Variants in SH3TC1 observed in about 807,000 individuals in gnomAD.
The protein encoded by SH3TC1 is SH3 domain and tetratricopeptide repeat-containing protein 1.
In SH3TC1, 135 loss-of-function variants were observed where a neutral mutation model predicts 117.3. That is an observed-to-expected ratio of 1.15 (90% CI 1.00 to 1.33). The LOEUF is 1.33. SH3TC1 is among the 40% of genes most tolerant of loss of function. The pLI is 0.00. For missense variants in SH3TC1, 2,092 were observed against 1,794.3 expected (o/e 1.17, Z -3.00); for synonymous variants, 898 against 816.9 (o/e 1.10, Z -1.69).
chr4:8,233,604 C>T (rs916570110), intron 14 of SH3TC1, 91 bp downstream of exon 14: 2 of 1,386,114 alleles, frequency 1.4e-6, no homozygotes, highest in South Asian at 1.5e-5. Context: ...ATGATCCTTC[C>T]ATCATCTATC....
chr4:8,195,599 G>A (rs1047250642), upstream of SH3TC1, among the ~76,000 whole-genome samples: 23 of 152,228 alleles, frequency 1.5e-4, no homozygotes, highest in African/African-American at 5.5e-4. Flanking sequence ...CCACAGCAGG[G>A]GACAATGGCC....
intron 14 of SH3TC1, 135 bp downstream of exon 14, chr4:8,233,648 A>C: frequency 9.2e-7 from 1 of 1,087,854 alleles, no homozygotes; most frequent in Non-Finnish European, 1.2e-6. Context: ...CCATCCATCC[A>C]TCCTTCCATC....
chr4:8,236,220 A>G (rs1721798103), intron 15 of SH3TC1, 58 bp from the exon 16 acceptor site: 13 of 1,487,150 alleles, frequency 8.7e-6, no homozygotes, highest in South Asian at 1.3e-5. Context: ...AGCTCTGAGG[A>G]GGGCGCTGGG....
upstream of SH3TC1, chr4:8,199,177 TG>T (rs1367035198): frequency 6.6e-6 from 1 of 152,252 alleles, no homozygotes; most frequent in African/African-American, 2.4e-5. Flanking sequence ...GCAGCCGCCC[TG>T]GGCCTGCCTC....
intron 15 of SH3TC1, chr4:8,235,873 G>A (rs1721763425): frequency 5.4e-6 from 2 of 371,934 alleles, no homozygotes; most frequent in Admixed American, 8.6e-5. Context: ...AAGGACACAC[G>A]GCATGCCAGT....
chr4:8,220,666 G>A (rs1042710556), intron 9 of SH3TC1, among the ~76,000 whole-genome samples: 1 of 152,174 alleles, frequency 6.6e-6, no homozygotes, highest in Non-Finnish European at 1.5e-5. Flanking sequence ...TGGGTCATGT[G>A]ATCCTGGTCC....
At position 8,232,477 on chromosome 4, in the gene SH3TC1, A is replaced by G. The variant is rs561427785; in HGVS notation, c.3131+321A>G. The G allele has an allele frequency of 2.5e-5, 36 of 1,443,380 alleles. 1 individual carries two copies. In the South Asian group the frequency reaches 3.6e-4, roughly 14 times the overall value. 89.4% of individuals were successfully genotyped at this position (1,443,380 alleles called of 1,614,324 possible). A position where few individuals can be genotyped will look rare whatever the true frequency, so the allele number is the denominator to read the frequency against. ...TTCTTCCTACCTGGTGGCTTTTGTC[A>G]TCTGACCTCTGCCTGCCCCGAGTCT... On this transcript the variant is annotated intron_variant, in intron 13 of 17. Transcript: ENST00000245105.
intron 2 of SH3TC1, among the ~76,000 whole-genome samples, chr4:8,207,347 G>C (rs995733293): frequency 2.6e-5 from 4 of 152,234 alleles, no homozygotes; most frequent in African/African-American, 4.8e-5. Flanking sequence ...CCTTGGAGAA[G>C]GGGCGGCTGC....
At position 8,222,315 on chromosome 4, in the gene SH3TC1, G is replaced by T. The variant is rs115758371; in HGVS notation, c.1113-525G>T. ...CTGTTTCAGCCTTTCCTGCTTCTGG[G>T]TATCTGCCCCTGGCCAGACAAGGCA... On this transcript the variant is annotated intron_variant, in intron 9 of 17. Transcript: ENST00000245105. Among the ~76,000 whole-genome samples the T allele has an allele frequency of 4.2e-3, 615 of 148,000 alleles. 6 individuals carry two copies. Among genetic ancestry groups the T allele is most frequent in the African/African-American group, 0.015 (586 of 39,924 alleles).
At chr4:8,215,652 C>T (rs1014871003) in intron 5 of SH3TC1, among the ~76,000 whole-genome samples, 1 of 152,190 alleles carries the variant, frequency 6.6e-6, no homozygotes, top group African/African-American at 2.4e-5. Context: ...AGGCTCACTG[C>T]CCCAGACGAG....
At chr4:8,214,364 C>T (rs1222860777) in intron 4 of SH3TC1, 111 bp from the exon 5 acceptor site, 2 of 945,364 alleles carry the variant, frequency 2.1e-6, no homozygotes, top group Non-Finnish European at 3.2e-6. Context: ...GGTGTGTCGT[C>T]CCCCGCCGGG....
rs1560108735 is a variant in SH3TC1, at chr4:8,229,950, GGGGCC to G, written c.2950+1307_2950+1311del. On this transcript the variant is annotated intron_variant, in intron 12 of 17. Coordinates refer to ENST00000245105, the MANE Select transcript of SH3TC1 (RefSeq NM_018986.5). ...CCGCGTTGAACAGTCGAGGAGACCG[GGGGCC>G]AGGGGACGAGGATCATGCTTCCCTG... is the stretch of plus-strand genomic sequence containing the variant. Among the ~76,000 whole-genome samples the G allele has an allele frequency of 1.6e-3, 225 of 143,466 alleles. 1 individual carries two copies. The highest frequency in any genetic ancestry group is 2.3e-3 in the Non-Finnish European group (150 of 65,382). 94.1% of individuals were successfully genotyped at this position (143,466 alleles called of 152,430 possible).
chr4:8,235,595 G>C, intron 15 of SH3TC1, 40 bp downstream of exon 15: 1 of 1,523,524 alleles, frequency 6.6e-7, no homozygotes, highest in East Asian at 2.4e-5. Flanking sequence ...GGCCCCAGGG[G>C]GGGCACCTTG....
intron 13 of SH3TC1, 150 bp downstream of exon 13, chr4:8,232,306 C>A (rs1320019176): frequency 2.7e-6 from 4 of 1,473,798 alleles, no homozygotes; most frequent in East Asian, 2.3e-5. Flanking sequence ...AGCTGGGGGG[C>A]CTGGGGTTGT....
In SH3TC1 at chr4:8,225,356, G is replaced by A; in HGVS notation, c.1285+140G>A. On this transcript the variant is annotated intron_variant, in intron 11 of 17. Coordinates refer to ENST00000245105, the MANE Select transcript of SH3TC1 (RefSeq NM_018986.5). This position sits in a 1 kb window ranked among gnomAD's most constrained non-coding sequence, Gnocchi z 5.5. Reference sequence around the variant, plus strand: ...TGTGGTGTGGGCTGGGGGCTTGGGGGAGGTTGCCTGAGGTGGGCCTGAACC... The same window carrying A: ...TGTGGTGTGGGCTGGGGGCTTGGGGAAGGTTGCCTGAGGTGGGCCTGAACC... 1.1e-6 allele frequency: 1 copy of A among 899,134 alleles called. No homozygotes were observed. The highest frequency in any genetic ancestry group is 1.6e-5 in the South Asian group (1 of 62,278). The allele number at this position is 899,134 out of a possible 1,614,324, so 55.7% of individuals were successfully genotyped here.
At chr4:8,196,734 G>A (rs529337637), upstream of SH3TC1, among the ~76,000 whole-genome samples, 32 of 152,274 alleles carry the variant, frequency 2.1e-4, no homozygotes, top group Non-Finnish European at 4.0e-4. This position sits in a 1 kb window ranked among gnomAD's most constrained non-coding sequence, Gnocchi z 4.6. Flanking sequence ...AGGAAGGTGG[G>A]AGATGGGGCT....
chr4:8,209,600 A>G lies in SH3TC1; in HGVS notation c.173-148A>G, dbSNP rs1306798528. The G allele has an allele frequency of 6.5e-7, 1 of 1,530,932 alleles. No homozygotes were observed. Among genetic ancestry groups the G allele is most frequent in the African/African-American group, 1.4e-5 (1 of 72,764 alleles). 94.8% of individuals were successfully genotyped at this position (1,530,932 alleles called of 1,614,324 possible). On this transcript the variant is annotated intron_variant, in intron 2 of 17. Transcript: ENST00000245105. This position sits in a 1 kb window ranked among gnomAD's most constrained non-coding sequence, Gnocchi z 5.9. ...TCCCTCCTTGCTGGGCTCTGGGGAG[A>G]CTGGAGGAAGGCAGCTGTGGGAAAG... is the stretch of plus-strand genomic sequence containing the variant.
rs1721944722 is a variant in SH3TC1, at chr4:8,237,640, G to A, written c.3723G>A (p.Val1241=). 4 of 1,609,616 alleles carry A rather than the reference G, an allele frequency of 2.5e-6. No homozygotes were observed. The highest frequency in any genetic ancestry group is 1.7e-6 in the Non-Finnish European group (2 of 1,178,036). The change falls in exon 17 of 18, where the codon GTG becomes GTA. Residue 1241 remains valine, a synonymous_variant. Coordinates refer to ENST00000245105, the MANE Select transcript of SH3TC1 (RefSeq NM_018986.5). ...ETLYYVKVYL[V]LGDIIFYDLK... is the part of the protein sequence containing the mutation. ...TCTACTACGTGAAGGTGTACCTGGT[G>A]CTCGGTGACATCATCTTCTACGACC...
chr4:8,204,356 TAGAC>T (rs1718027222), intron 1 of SH3TC1, among the ~76,000 whole-genome samples: 1 of 152,156 alleles, frequency 6.6e-6, no homozygotes, highest in African/African-American at 2.4e-5. Context: ...GAGCCTGTAT[TAGAC>T]AGCAGCAGGG....
Sources: allele counts gnomAD v4.1 joint callset (sites outside exome capture counted in the v4.1 genomes callset), GRCh38; gene constraint gnomAD v4.1.1; non-coding constraint Gnocchi (gnomAD v3.1); transcripts MANE v1.5; gene names NCBI Gene and HGNC (gene_info 2026-07-23, HGNC 2026-07-21).